The following SPATA6 variants were observed in gnomAD, a reference collection of about 807,000 sequenced individuals.
The protein encoded by SPATA6 is spermatogenesis-associated protein 6.
SPATA6 carries 56 observed loss-of-function variants against 65.3 expected under a neutral mutation model. That is an observed-to-expected ratio of 0.86 (90% CI 0.69 to 1.07). The LOEUF (loss-of-function observed/expected upper bound fraction) is 1.07. Among genes scored for constraint, SPATA6 ranks in the 50% least tolerant of loss-of-function variants. SPATA6 has a pLI of 0.00. For synonymous variants in SPATA6, 199 were observed against 213.2 expected (o/e 0.93, Z 0.58); for missense variants, 590 against 594.8 (o/e 0.99, Z 0.08).
intron 11 of SPATA6, among the ~76,000 whole-genome samples, chr1:48,311,953 A>C (rs60877192): frequency 0.015 from 2,241 of 152,304 alleles, 53 homozygotes; most frequent in African/African-American, 0.051. Flanking sequence ...TCCTACGCCC[A>C]CGGAGCCTCA....
At chr1:48,366,770 A>G (rs1473147355) in intron 9 of SPATA6, among the ~76,000 whole-genome samples, 1 of 151,948 alleles carries the variant, frequency 6.6e-6, no homozygotes, top group Non-Finnish European at 1.5e-5. Context: ...TGATTTTTTG[A>G]AGGGTTTTTT....
At chr1:48,435,053 G>A (rs1042872056) in intron 3 of SPATA6, among the ~76,000 whole-genome samples, 6 of 151,718 alleles carry the variant, frequency 4.0e-5, no homozygotes, top group African/African-American at 1.5e-4. Flanking sequence ...AGCCTGAGGT[G>A]ATTCTGGGTC....
chr1:48,313,656 A>C lies in SPATA6; in HGVS notation c.1195-7778T>G, dbSNP rs1180944850. 7.9e-5 allele frequency among the ~76,000 whole-genome samples: 12 copies of C among 152,124 alleles called. 1 individual carries two copies. The highest frequency in any genetic ancestry group is 2.2e-4 in the African/African-American group (9 of 41,420). ...ATCAACTAATGAGCAAAATAACCAG[A>C]TAACATCATAATGACAGGATCAAAT... On this transcript the variant is annotated intron_variant, in intron 11 of 12. Transcript: ENST00000371847.
At position 48,305,890 on chromosome 1, in the gene SPATA6, T is replaced by C; in HGVS notation, c.1195-12A>G. 3 of 1,604,616 alleles carry C rather than the reference T, an allele frequency of 1.9e-6. No homozygotes were observed. Among genetic ancestry groups the C allele is most frequent in the Non-Finnish European group, 2.6e-6 (3 of 1,173,348 alleles). ...AGGTCTCTCTCATCCTGAAAAATTT[T>C]AAAGATTTCCATTAACTCACTGTCT... On this transcript the variant is annotated splice_polypyrimidine_tract_variant and intron_variant, in intron 11 of 12. Transcript: ENST00000371847.
chr1:48,436,116 A>G, intron 3 of SPATA6: 1 of 1,610,102 alleles, frequency 6.2e-7, no homozygotes, highest in East Asian at 2.2e-5. Flanking sequence ...GTGAAGTACT[A>G]TGTTCCACCA....
chr1:48,389,285 T>A (rs1649811129), intron 8 of SPATA6, among the ~76,000 whole-genome samples: 1 of 152,178 alleles, frequency 6.6e-6, no homozygotes, highest in South Asian at 2.1e-4. Context: ...TTGTGATCTA[T>A]GGGACACAAT....
At chr1:48,404,522 T>G (rs967467631) in intron 5 of SPATA6, among the ~76,000 whole-genome samples, 1 of 152,072 alleles carries the variant, frequency 6.6e-6, no homozygotes, top group Non-Finnish European at 1.5e-5. Flanking sequence ...TTTCATTATT[T>G]TGTAGATACA....
chr1:48,435,748 C>T (rs112885954), intron 3 of SPATA6, among the ~76,000 whole-genome samples: 33 of 152,278 alleles, frequency 2.2e-4, no homozygotes, highest in East Asian at 2.1e-3. Context: ...CGCCCTCCCG[C>T]GCCCCGCACC....
chr1:48,264,046 A>AT, the SPATA6 span, among the ~76,000 whole-genome samples: 1 of 152,010 alleles, frequency 6.6e-6, no homozygotes, highest in Admixed American at 6.6e-5. Flanking sequence ...CCAGGCTAGT[A>AT]TTTTTTCTTT....
At chr1:48,304,483 T>C (rs1645012497) in intron 12 of SPATA6, among the ~76,000 whole-genome samples, 4 of 152,174 alleles carry the variant, frequency 2.6e-5, no homozygotes, top group Admixed American at 2.0e-4. Flanking sequence ...TACATTAGAA[T>C]TACCCATGAT....
chr1:48,355,758 T>A lies in SPATA6; in HGVS notation c.1106A>T (p.Asp369Val). 6.2e-7 allele frequency: 1 copy of A among 1,612,222 alleles called. No individual in the cohort carries two copies. Among genetic ancestry groups the A allele is most frequent in the Non-Finnish European group, 8.5e-7 (1 of 1,179,144 alleles). The change falls in exon 11 of 13, where the codon GAT becomes GTT. Residue 369 changes from aspartate (D) to valine (V), a missense_variant. Transcript: ENST00000371847. ...ATCGCAGTTTGAAGGTGAACACCAA[T>A]CAGAATGAAATCTGTAGGCAAAAAA... is the stretch of plus-strand genomic sequence containing the variant. Reference protein sequence around the residue: ...RASLRERFHSDWCSPSNCDEI... With the variant: ...RASLRERFHSVWCSPSNCDEI...
At position 48,362,952 on chromosome 1, in the gene SPATA6, G is replaced by A. The variant is rs117762458; in HGVS notation, c.910-3182C>T. ...TTATTAAGCACCTTCTGCATATAAA[G>A]TACCAAACAAAGTAGGAAACAACAA... On this transcript the variant is annotated intron_variant, in intron 9 of 12. Coordinates refer to ENST00000371847, the MANE Select transcript of SPATA6 (RefSeq NM_019073.4). Among the ~76,000 whole-genome samples, 109 of 152,144 alleles carry A rather than the reference G, an allele frequency of 7.2e-4. No individual in the cohort carries two copies. In the East Asian group the frequency reaches 0.02, roughly 28 times the overall value.
At chr1:48,325,412 C>T (rs984541880) in intron 11 of SPATA6, 13 of 1,358,910 alleles carry the variant, frequency 9.6e-6, no homozygotes, top group African/African-American at 1.4e-5. Flanking sequence ...CAGGGCCCTC[C>T]CCCAGCTTCT....
intron 3 of SPATA6, among the ~76,000 whole-genome samples, chr1:48,447,701 T>C (rs1305756539): frequency 6.6e-6 from 1 of 152,130 alleles, no homozygotes; most frequent in Non-Finnish European, 1.5e-5. Flanking sequence ...CTACAAATTA[T>C]GTTCTCTCAC....
rs143504923 is a variant in SPATA6, at chr1:48,356,925, T to C, written c.1095-1156A>G. 3.0e-3 allele frequency among the ~76,000 whole-genome samples: 455 copies of C among 152,300 alleles called. 2 individuals carry two copies. Among genetic ancestry groups the C allele is most frequent in the African/African-American group, 0.01 (418 of 41,566 alleles). On this transcript the variant is annotated intron_variant, in intron 10 of 12. Coordinates refer to ENST00000371847, the MANE Select transcript of SPATA6 (RefSeq NM_019073.4). ...ATCAATTATCTAAACTTTAATCTCC[T>C]GTATATATAAAAGCAAGTTCTATTG...
intron 11 of SPATA6, among the ~76,000 whole-genome samples, chr1:48,315,222 T>C (rs1645372062): frequency 6.6e-6 from 1 of 152,142 alleles, no homozygotes. Flanking sequence ...TACCAAAGCC[T>C]GGCAGAGACA....
chr1:48,344,343 T>C (rs982438766), intron 11 of SPATA6: 1 of 152,094 alleles, frequency 6.6e-6, no homozygotes, highest in Non-Finnish European at 1.5e-5. Flanking sequence ...AGGGAATTCA[T>C]TACCACCAGA....
chr1:48,277,389 G>A, the SPATA6 span, among the ~76,000 whole-genome samples: 1 of 152,230 alleles, frequency 6.6e-6, no homozygotes, highest in Non-Finnish European at 1.5e-5. Flanking sequence ...TGCCTCACTT[G>A]GGAAGCGCAA....
intron 9 of SPATA6, among the ~76,000 whole-genome samples, chr1:48,379,754 T>C (rs1438482273): frequency 1.3e-5 from 2 of 151,836 alleles, no homozygotes; most frequent in Non-Finnish European, 1.5e-5. Flanking sequence ...TTAAAGCCAC[T>C]TTCTCTTCTT....
Sources: allele counts gnomAD v4.1 joint callset (sites outside exome capture counted in the v4.1 genomes callset), GRCh38; gene constraint gnomAD v4.1.1; transcripts MANE v1.5; gene names NCBI Gene and HGNC (gene_info 2026-07-23, HGNC 2026-07-21).